P4HA1: variants seen among roughly 807,000 people sequenced by gnomAD.
P4HA1 encodes prolyl 4-hydroxylase subunit alpha 1, also known as prolyl 4-hydroxylase subunit alpha-1.
Under a neutral mutation model 72.8 loss-of-function variants are expected in P4HA1, and 24 were observed. The ratio of observed to expected loss-of-function variants is 0.33; its 90% CI spans 0.24 to 0.46. The LOEUF is 0.46. Ranked by LOEUF, P4HA1 falls within the 20% of genes least tolerant of loss-of-function variation. The pLI is 1.00. For synonymous variants in P4HA1, 201 were observed against 218.8 expected (o/e 0.92, Z 0.72); for missense variants, 446 against 640.6 (o/e 0.70, Z 3.28).
At chr10:73,057,732 C>T (rs1351069494) in intron 5 of P4HA1, among the ~76,000 whole-genome samples, 1 of 151,634 alleles carries the variant, frequency 6.6e-6, no homozygotes, top group Non-Finnish European at 1.5e-5. Flanking sequence ...AGGAAAATTC[C>T]AAAAGGAAAG....
At chr10:73,011,450 GAAC>G (rs1839907738) in intron 12 of P4HA1, among the ~76,000 whole-genome samples, 1 of 152,030 alleles carries the variant, frequency 6.6e-6, no homozygotes, top group African/African-American at 2.4e-5. Context: ...TTAATGTCTA[GAAC>G]AATAGTACCT....
chr10:73,066,059 CAGA>C (rs1841413934), intron 5 of P4HA1, among the ~76,000 whole-genome samples: 1 of 152,120 alleles, frequency 6.6e-6, no homozygotes, highest in Admixed American at 6.5e-5. Flanking sequence ...GCACCAAGTT[CAGA>C]ATAGTCATTA....
intron 10 of P4HA1, among the ~76,000 whole-genome samples, chr10:73,028,881 C>T (rs1382693580): frequency 1.3e-5 from 2 of 150,400 alleles, no homozygotes; most frequent in Non-Finnish European, 3.0e-5. Flanking sequence ...CCCATCTCTA[C>T]TAAAAATACA....
At chr10:73,023,812 A>G (rs1840195775) in intron 10 of P4HA1, among the ~76,000 whole-genome samples, 1 of 151,850 alleles carries the variant, frequency 6.6e-6, no homozygotes, top group Non-Finnish European at 1.5e-5. Context: ...TGGAAAGAAA[A>G]AAAAAAAAAA....
At chr10:73,040,729 C>CCCAAAGTGCTGGGATTACAGGCGTGAG (rs1266816815) in intron 9 of P4HA1, among the ~76,000 whole-genome samples, 7 of 152,098 alleles carry the variant, frequency 4.6e-5, no homozygotes, top group Admixed American at 4.6e-4. Context: ...ACCTTGGCCT[C>CCCAAAGTGCTGGGATTACAGGCGTGAG]CCAAAGTGCT....
intron 9 of P4HA1, among the ~76,000 whole-genome samples, chr10:73,037,701 G>C (rs1840631330): frequency 6.7e-6 from 1 of 148,744 alleles, no homozygotes; most frequent in Non-Finnish European, 1.5e-5. Context: ...ATCTAGACTG[G>C]GAATTTATCC....
At chr10:73,017,274 T>G (rs561886357) in intron 10 of P4HA1, among the ~76,000 whole-genome samples, 1 of 150,764 alleles carries the variant, frequency 6.6e-6, no homozygotes, top group Admixed American at 6.6e-5. Flanking sequence ...GATATCTATA[T>G]CTCTATACAG....
intron 5 of P4HA1, among the ~76,000 whole-genome samples, chr10:73,057,494 AAAAAACAAAAAC>A (rs1255889044): frequency 1.1e-4 from 16 of 152,282 alleles, no homozygotes; most frequent in Admixed American, 4.6e-4. Flanking sequence ...CATCTCTTAA[AAAAAACAAAAAC>A]AAAAACAAAA....
At chr10:73,090,084 T>C (rs1841998403) in intron 1 of P4HA1, among the ~76,000 whole-genome samples, 1 of 152,104 alleles carries the variant, frequency 6.6e-6, no homozygotes, top group Non-Finnish European at 1.5e-5. Context: ...TCCTCCTGCC[T>C]CGGCCCCCCA....
chr10:73,057,387 A>G (rs1241983224), intron 5 of P4HA1, among the ~76,000 whole-genome samples: 1 of 151,714 alleles, frequency 6.6e-6, no homozygotes, highest in Non-Finnish European at 1.5e-5. Context: ...CTACTTGGGA[A>G]GCTGAGGCAG....
At chr10:73,043,533 A>G (rs890678477) in intron 9 of P4HA1, among the ~76,000 whole-genome samples, 4 of 152,224 alleles carry the variant, frequency 2.6e-5, no homozygotes, top group Admixed American at 6.5e-5. Flanking sequence ...TGCAGCTACT[A>G]GGTGACCCTG....
At chr10:73,033,617 T>A (rs1840492458) in intron 9 of P4HA1, among the ~76,000 whole-genome samples, 1 of 152,212 alleles carries the variant, frequency 6.6e-6, no homozygotes, top group Admixed American at 6.5e-5. Flanking sequence ...CCTTTAAAAC[T>A]GCAAAAGTAA....
intron 1 of P4HA1, among the ~76,000 whole-genome samples, chr10:73,095,894 C>T (rs778946243): frequency 4.0e-5 from 6 of 151,312 alleles, no homozygotes; most frequent in Admixed American, 2.6e-4. Flanking sequence ...TACCATCCTT[C>T]CTCCCCATTG....
At chr10:73,087,215 C>T (rs986672343) in intron 1 of P4HA1, among the ~76,000 whole-genome samples, 11 of 150,906 alleles carry the variant, frequency 7.3e-5, no homozygotes, top group African/African-American at 2.7e-4. Flanking sequence ...AGTACTATCT[C>T]ATTATGGGTT....
At position 73,051,337 on chromosome 10, in the gene P4HA1, A is replaced by G. The variant is rs1841015136; in HGVS notation, c.704-88T>C. ...TAGTAATATAAAAATAGGAGACATT[A>G]TAATTTATCTTCCAAACCAGGTTGC... On this transcript the variant is annotated intron_variant, in intron 6 of 14. Transcript: ENST00000394890. 3.1e-5 allele frequency: 22 copies of G among 710,792 alleles called. No individual in the cohort carries two copies. In the South Asian group the frequency reaches 4.4e-4, roughly 14 times the overall value. The allele number at this position is 710,792 out of a possible 1,614,324, so 44.0% of individuals were successfully genotyped here. A position where few individuals can be genotyped will look rare whatever the true frequency, so the allele number is the denominator to read the frequency against.
intron 1 of P4HA1, among the ~76,000 whole-genome samples, chr10:73,080,926 T>TCAAAAA (rs945417808): frequency 1.4e-4 from 21 of 152,256 alleles, no homozygotes; most frequent in African/African-American, 5.1e-4. Flanking sequence ...AGACTCCATC[T>TCAAAAA]CAAAAACAAA....
At chr10:73,086,933 C>CA (rs59200288) in intron 1 of P4HA1, among the ~76,000 whole-genome samples, 1,340 of 32,714 alleles carry the variant, frequency 0.041, 115 homozygotes, top group Non-Finnish European at 0.06. Context: ...GAGTGCATCT[C>CA]AAAAAAAAAA....
chr10:73,033,388 A>G (rs751069761), intron 9 of P4HA1, among the ~76,000 whole-genome samples: 5 of 152,150 alleles, frequency 3.3e-5, no homozygotes, highest in Non-Finnish European at 7.3e-5. Context: ...GTACTTTGGT[A>G]GAATCATCGT....
chr10:73,055,962 A>G (rs1841137950), intron 5 of P4HA1, among the ~76,000 whole-genome samples: 1 of 152,252 alleles, frequency 6.6e-6, no homozygotes, highest in African/African-American at 2.4e-5. Context: ...CACCTCCAGA[A>G]GTTTGTGCTC....
Sources: gnomAD v4.1 joint callset for allele counts (sites outside exome capture counted in the v4.1 genomes callset) on GRCh38, gnomAD v4.1.1 for gene constraint, MANE v1.5 for transcripts, NCBI Gene and HGNC (gene_info 2026-07-23, HGNC 2026-07-21) for gene names.